Variants in PLEKHM3 observed in about 807,000 individuals in gnomAD.
PLEKHM3 encodes the protein pleckstrin homology domain-containing family M member 3.
A neutral mutation model predicts 81.8 loss-of-function variants in PLEKHM3; 45 were observed. That is an observed-to-expected ratio of 0.55 (90% CI 0.43 to 0.71). The LOEUF (loss-of-function observed/expected upper bound fraction) is 0.71. PLEKHM3 is among the 30% of genes least tolerant of loss of function. The pLI, the probability that PLEKHM3 is intolerant of heterozygous loss-of-function variation, is 0.00. For synonymous variants in PLEKHM3, 352 were observed against 356.4 expected (o/e 0.99, Z 0.14); for missense variants, 788 against 924.3 (o/e 0.85, Z 1.91).
At chr2:207,997,170 C>A (rs898264391) in intron 2 of PLEKHM3, among the ~76,000 whole-genome samples, 6 of 152,200 alleles carry the variant, frequency 3.9e-5, no homozygotes, top group Non-Finnish European at 7.3e-5. Context: ...AGGCCTCCTT[C>A]AGACCAGGCT....
intron 2 of PLEKHM3, among the ~76,000 whole-genome samples, chr2:207,983,642 C>G (rs1475975688): frequency 6.6e-6 from 1 of 151,668 alleles, no homozygotes; most frequent in African/African-American, 2.4e-5. Context: ...GTGGCTAATA[C>G]AAAGACTTGG....
At chr2:207,959,756 T>C (rs1361250898) in intron 3 of PLEKHM3, among the ~76,000 whole-genome samples, 1 of 152,204 alleles carries the variant, frequency 6.6e-6, no homozygotes, top group Non-Finnish European at 1.5e-5. Flanking sequence ...AACAATTTGA[T>C]AAAATTAAAG....
At chr2:207,926,233 A>G (rs73983643) in intron 5 of PLEKHM3, among the ~76,000 whole-genome samples, 5,983 of 152,236 alleles carry the variant, frequency 0.039, 368 homozygotes, top group African/African-American at 0.14. Flanking sequence ...ATCAGAACTC[A>G]TTTCCCAAGA....
rs1355818910 is a variant in PLEKHM3 at position 207,976,697 on chromosome 2, A to G, written c.1500T>C (p.Thr500=). The G allele has an allele frequency of 6.2e-7, 1 of 1,614,062 alleles. No individual in the cohort carries two copies. The highest frequency in any genetic ancestry group is 8.5e-7 in the Non-Finnish European group (1 of 1,180,018). The part of the protein sequence containing the change: ...VTTSFLSILT[T]LSLERGLTAQ... The stretch of plus-strand genomic sequence containing the variant: ...CAGTGAGTCCTCGTTCCAAAGACAA[A>G]GTCGTCAAAATGCTCAGGAAGCTGG... The change falls in exon 3 of 8, where the codon ACT becomes ACC. Residue 500 remains threonine (T), a synonymous_variant. Coordinates refer to ENST00000427836, the MANE Select transcript of PLEKHM3 (RefSeq NM_001080475.3). The surrounding 1 kb of genome is among the most constrained non-coding windows in gnomAD (Gnocchi z 4.1).
intron 2 of PLEKHM3, among the ~76,000 whole-genome samples, chr2:207,982,293 G>A (rs961015281): frequency 7.3e-6 from 1 of 136,356 alleles, no homozygotes. Flanking sequence ...TTCTCAAGAC[G>A]GGGTCTCACT....
intron 6 of PLEKHM3, among the ~76,000 whole-genome samples, chr2:207,866,401 C>G (rs2105821420): frequency 6.6e-6 from 1 of 152,312 alleles, no homozygotes; most frequent in Middle Eastern, 3.4e-3. Flanking sequence ...GTGTGATCTG[C>G]CTGCCTCGGC....
chr2:207,957,532 A>C (rs958082133), intron 3 of PLEKHM3, among the ~76,000 whole-genome samples: 1 of 152,172 alleles, frequency 6.6e-6, no homozygotes, highest in South Asian at 2.1e-4. Flanking sequence ...CTTTGTCTCT[A>C]CTAAAAATAC....
At chr2:207,999,764 G>C (rs1692235495) in intron 2 of PLEKHM3, among the ~76,000 whole-genome samples, 1 of 152,186 alleles carries the variant, frequency 6.6e-6, no homozygotes, top group South Asian at 2.1e-4. Context: ...TGAAAAAGAT[G>C]AATTTCAGGA....
intron 1 of PLEKHM3, among the ~76,000 whole-genome samples, chr2:208,003,433 A>G (rs1298637301): frequency 6.6e-6 from 1 of 152,154 alleles, no homozygotes; most frequent in Admixed American, 6.6e-5. Flanking sequence ...AGGTCATTAA[A>G]CCACTACATT....
chr2:207,997,656 G>A (rs1031069140), intron 2 of PLEKHM3, among the ~76,000 whole-genome samples: 3 of 152,174 alleles, frequency 2.0e-5, no homozygotes, highest in African/African-American at 7.2e-5. Flanking sequence ...ACTTAGAACA[G>A]CAGGAATGGG....
intron 1 of PLEKHM3, among the ~76,000 whole-genome samples, chr2:208,017,961 C>T (rs952134453): frequency 3.9e-5 from 6 of 152,158 alleles, no homozygotes; most frequent in African/African-American, 1.2e-4. Flanking sequence ...ATGCCCATAT[C>T]GTAAATGTGG....
At chr2:207,923,903 A>ATTTTTT (rs1235482345) in intron 5 of PLEKHM3, among the ~76,000 whole-genome samples, 33 of 59,818 alleles carry the variant, frequency 5.5e-4, no homozygotes, top group Admixed American at 1.9e-3. Flanking sequence ...ATATATATAT[A>ATTTTTT]TATTTTTTTT....
intron 4 of PLEKHM3, among the ~76,000 whole-genome samples, chr2:207,937,400 T>C (rs1689791380): frequency 6.6e-6 from 1 of 152,124 alleles, no homozygotes; most frequent in Admixed American, 6.6e-5. Flanking sequence ...ACTTTGTCTC[T>C]ACCAAAAACT....
chr2:208,018,116 T>C (rs1052138599), intron 1 of PLEKHM3, among the ~76,000 whole-genome samples: 3 of 152,194 alleles, frequency 2.0e-5, no homozygotes, highest in African/African-American at 7.2e-5. Context: ...GGTTCACGCC[T>C]GTAATCCCAG....
chr2:207,872,452 A>G (rs2092539546), intron 6 of PLEKHM3, among the ~76,000 whole-genome samples: 1 of 152,206 alleles, frequency 6.6e-6, no homozygotes. Flanking sequence ...TATGAAGATG[A>G]TCTTTAACAG....
At chr2:207,946,107 T>C (rs932242224) in intron 4 of PLEKHM3, among the ~76,000 whole-genome samples, 3 of 152,168 alleles carry the variant, frequency 2.0e-5, no homozygotes, top group Non-Finnish European at 2.9e-5. Flanking sequence ...AAGAGGCTCC[T>C]CTCTCTCAGA....
intron 5 of PLEKHM3, among the ~76,000 whole-genome samples, chr2:207,919,601 G>C (rs944293846): frequency 4.6e-5 from 7 of 152,126 alleles, no homozygotes; most frequent in African/African-American, 1.7e-4. Flanking sequence ...TGAGAGAAAG[G>C]TGTTTGGCTT....
intron 6 of PLEKHM3, among the ~76,000 whole-genome samples, chr2:207,908,219 G>T (rs1340134236): frequency 3.3e-5 from 5 of 152,108 alleles, no homozygotes; most frequent in Non-Finnish European, 2.9e-5. Context: ...GAGTAAAATT[G>T]TTGGGTCATA....
intron 3 of PLEKHM3, among the ~76,000 whole-genome samples, chr2:207,947,453 G>C (rs1690172970): frequency 6.6e-6 from 1 of 152,202 alleles, no homozygotes; most frequent in Non-Finnish European, 1.5e-5. Flanking sequence ...TAGATAGGAA[G>C]AACTACCTTC....
Sources: allele counts gnomAD v4.1 joint callset (sites outside exome capture counted in the v4.1 genomes callset), GRCh38; gene constraint gnomAD v4.1.1; non-coding constraint Gnocchi (gnomAD v3.1); transcripts MANE v1.5; gene names NCBI Gene and HGNC (gene_info 2026-07-23, HGNC 2026-07-21).